NELL2: variants seen among roughly 807,000 people sequenced by gnomAD.
NELL2 encodes protein kinase C-binding protein NELL2.
In NELL2, 41 loss-of-function variants were observed where a neutral mutation model predicts 109.6. The ratio of observed to expected loss-of-function variants is 0.37; its 90% CI spans 0.29 to 0.49. The LOEUF (loss-of-function observed/expected upper bound fraction) is 0.49, where lower values mean the gene tolerates loss of function less well. Among genes scored for constraint, NELL2 ranks in the 20% least tolerant of loss-of-function variants. The probability of loss-of-function intolerance (pLI) is 0.98; values close to 1 mark genes in which losing one functional copy is unlikely to be tolerated. For missense variants in NELL2, 900 were observed against 1,008.3 expected (o/e 0.89, Z 1.45); for synonymous variants, 355 against 344.7 (o/e 1.03, Z -0.33).
chr12:44,556,043 A>G (rs1943240570), intron 15 of NELL2, among the ~76,000 whole-genome samples: 1 of 152,204 alleles, frequency 6.6e-6, no homozygotes, highest in South Asian at 2.1e-4. Flanking sequence ...ATAACTTACC[A>G]AAGTAAGCTC....
intron 3 of NELL2, among the ~76,000 whole-genome samples, chr12:44,798,439 C>A (rs1942709115): frequency 6.6e-6 from 1 of 151,754 alleles, no homozygotes; most frequent in Admixed American, 6.6e-5. Flanking sequence ...CAAATAATGG[C>A]AATTAAAATG....
At chr12:44,857,263 C>A (rs1205647482) in intron 2 of NELL2, among the ~76,000 whole-genome samples, 1 of 152,076 alleles carries the variant, frequency 6.6e-6, no homozygotes, top group Non-Finnish European at 1.5e-5. Flanking sequence ...CCCTAGAGAA[C>A]CTACATTCTC....
chr12:44,735,139 C>A (rs963509696), intron 9 of NELL2, among the ~76,000 whole-genome samples: 2 of 152,032 alleles, frequency 1.3e-5, no homozygotes, highest in African/African-American at 2.4e-5. Context: ...CTTCCTGTTC[C>A]TTGAAGATAT....
intron 2 of NELL2, among the ~76,000 whole-genome samples, chr12:44,849,361 T>C (rs1944465172): frequency 6.6e-6 from 1 of 152,172 alleles, no homozygotes; most frequent in Admixed American, 6.5e-5. Flanking sequence ...GCAAATCTCA[T>C]TTTTAGAACA....
At chr12:44,761,118 T>C (rs1433516034) in intron 9 of NELL2, among the ~76,000 whole-genome samples, 1 of 152,154 alleles carries the variant, frequency 6.6e-6, no homozygotes, top group African/African-American at 2.4e-5. Context: ...TCCCAGCACT[T>C]TGGAAGGCCA....
chr12:44,916,149 C>T (rs778265067), upstream of NELL2, among the ~76,000 whole-genome samples: 26 of 152,132 alleles, frequency 1.7e-4, no homozygotes, highest in Admixed American at 4.6e-4. Flanking sequence ...TTAAAGGATG[C>T]TGACACAGCA....
rs142749523 is a variant in NELL2 at position 44,808,094 on chromosome 12, T to A, written c.335+7892A>T. ...CTAGGAGGAAAATACCCAAAATGTGTAATGAAAGTGAATATGGGCTGGTTA... is the reference window on the plus strand; with the variant it reads ...CTAGGAGGAAAATACCCAAAATGTGAAATGAAAGTGAATATGGGCTGGTTA... On this transcript the variant is annotated intron_variant, in intron 3 of 19. Transcript: ENST00000429094. 1.8e-4 allele frequency among the ~76,000 whole-genome samples: 27 copies of A among 152,148 alleles called. 2 individuals carry two copies. In the East Asian group the frequency reaches 5.2e-3, roughly 29 times the overall value.
chr12:44,791,200 A>ATATATATC (rs1942413534), intron 3 of NELL2, among the ~76,000 whole-genome samples: 1 of 57,336 alleles, frequency 1.7e-5, no homozygotes, highest in Non-Finnish European at 3.8e-5. Flanking sequence ...ATATATATAT[A>ATATATATC]TATATATATA....
intron 15 of NELL2, among the ~76,000 whole-genome samples, chr12:44,548,120 A>G (rs576178819): frequency 6.6e-6 from 1 of 152,286 alleles, no homozygotes; most frequent in East Asian, 1.9e-4. Flanking sequence ...GTCCTCAATA[A>G]ATATTTGCTG....
chr12:44,721,599 G>A (rs757485508), intron 9 of NELL2, among the ~76,000 whole-genome samples: 1 of 151,146 alleles, frequency 6.6e-6, no homozygotes, highest in Non-Finnish European at 1.5e-5. Flanking sequence ...CATCGTCTTT[G>A]GTTTAACTTT....
chr12:44,827,411 GTTTTTTT>G (rs35241789), intron 2 of NELL2, among the ~76,000 whole-genome samples: 1 of 126,618 alleles, frequency 7.9e-6, no homozygotes, highest in East Asian at 2.3e-4. Flanking sequence ...TCTTCTAACT[GTTTTTTT>G]TTTTTTTTTT....
At chr12:44,721,935 G>T (rs1039967459) in intron 9 of NELL2, among the ~76,000 whole-genome samples, 23 of 151,978 alleles carry the variant, frequency 1.5e-4, no homozygotes, top group Non-Finnish European at 2.6e-4. Flanking sequence ...TGTGGGCCAA[G>T]ATAAGAGAAA....
At chr12:44,650,398 A>G (rs955597157) in intron 13 of NELL2, among the ~76,000 whole-genome samples, 1 of 151,358 alleles carries the variant, frequency 6.6e-6, no homozygotes, top group Non-Finnish European at 1.5e-5. Context: ...GATTTAAGCA[A>G]TTCTCTCCTG....
At chr12:44,750,687 G>A (rs535722715) in intron 9 of NELL2, among the ~76,000 whole-genome samples, 6 of 152,038 alleles carry the variant, frequency 3.9e-5, no homozygotes, top group Admixed American at 1.3e-4. Context: ...ACAACAGTGC[G>A]GGTCAAAGCG....
At chr12:44,867,610 C>CT (rs1368254237) in intron 2 of NELL2, among the ~76,000 whole-genome samples, 2 of 152,088 alleles carry the variant, frequency 1.3e-5, no homozygotes, top group Admixed American at 1.3e-4. Flanking sequence ...CAACATAGTA[C>CT]TGTAAGTCCT....
At chr12:44,643,134 G>A (rs1240129119) in intron 13 of NELL2, among the ~76,000 whole-genome samples, 2 of 152,080 alleles carry the variant, frequency 1.3e-5, no homozygotes, top group Non-Finnish European at 2.9e-5. Flanking sequence ...GTATTAAAAT[G>A]TGCACAATTG....
rs984576018 is a variant in NELL2, at chr12:44,762,279, C to T, written c.994+12468G>A. ...TCCCAAATCCAGCTCAATTACCAGC[C>T]TTTCCAATCTCAGGTATTAGCAACT... On this transcript the variant is annotated intron_variant, in intron 9 of 19. Coordinates refer to ENST00000429094, the MANE Select transcript of NELL2 (RefSeq NM_001145108.2). Among the ~76,000 whole-genome samples, 14 of 152,144 alleles carry T rather than the reference C, an allele frequency of 9.2e-5. 1 individual carries two copies. The highest frequency in any genetic ancestry group is 1.9e-4 in the Non-Finnish European group (13 of 68,030).
At chr12:44,910,249 T>A (rs561467007) in intron 1 of NELL2, among the ~76,000 whole-genome samples, 17 of 152,082 alleles carry the variant, frequency 1.1e-4, no homozygotes, top group African/African-American at 2.9e-4. Flanking sequence ...ATATCCAGAA[T>A]CTATAAGGTT....
At chr12:44,573,948 G>A (rs1943967061) in intron 15 of NELL2, among the ~76,000 whole-genome samples, 1 of 152,204 alleles carries the variant, frequency 6.6e-6, no homozygotes, top group African/African-American at 2.4e-5. Flanking sequence ...GAGCATTCCT[G>A]TCTTGGATTA....
Sources: allele counts gnomAD v4.1 joint callset (sites outside exome capture counted in the v4.1 genomes callset), GRCh38; gene constraint gnomAD v4.1.1; transcripts MANE v1.5; gene names NCBI Gene and HGNC (gene_info 2026-07-23, HGNC 2026-07-21).